The following AQP9 variants were observed in gnomAD, a reference collection of about 807,000 sequenced individuals.
The protein encoded by AQP9 is aquaporin 9.
Under a neutral mutation model 23.8 loss-of-function variants are expected in AQP9, and 19 were observed. The ratio of observed to expected loss-of-function variants is 0.80; its 90% CI spans 0.56 to 1.17. The LOEUF (loss-of-function observed/expected upper bound fraction) is 1.17, where lower values mean the gene tolerates loss of function less well. AQP9 is among the 50% of genes most tolerant of loss of function. The pLI is 0.00. For missense variants in AQP9, 413 were observed against 362.0 expected (o/e 1.14, Z -1.14); for synonymous variants, 153 against 131.5 (o/e 1.16, Z -1.12).
chr15:58,174,809 C>T (rs1040200013), intron 3 of AQP9, 109 bp from the exon 4 acceptor site: 3 of 858,044 alleles, frequency 3.5e-6, no homozygotes, highest in African/African-American at 1.7e-5. Flanking sequence ...AATGACATGG[C>T]TATGCCAAGC....
chr15:58,148,096 C>A (rs370022654), intron 1 of AQP9, among the ~76,000 whole-genome samples: 1 of 152,034 alleles, frequency 6.6e-6, no homozygotes, highest in African/African-American at 2.4e-5. Context: ...TTCTTCACCC[C>A]CTTCCTCCCC....
chr15:58,177,698 C>A (rs1898790225), intron 4 of AQP9, among the ~76,000 whole-genome samples: 1 of 152,066 alleles, frequency 6.6e-6, no homozygotes, highest in Non-Finnish European at 1.5e-5. Flanking sequence ...TACCTCACAG[C>A]ATTACTGTGA....
chr15:58,167,223 G>A (rs1020069363), intron 2 of AQP9, among the ~76,000 whole-genome samples: 5 of 152,214 alleles, frequency 3.3e-5, no homozygotes, highest in Non-Finnish European at 7.3e-5. Context: ...TTGCAAAATG[G>A]ATGGTGCTTT....
Position 58,179,169 on chromosome 15 carries a change from C to T in AQP9, c.537C>T (p.Ile179=), listed in dbSNP as rs2249783. Residue 179 remains isoleucine (I), a synonymous_variant, in exon 5 of 6, where the codon ATC becomes ATT. Transcript: ENST00000219919. ...TMILLIIVFA[I]FDSRNLGAPR... ...TACTCCTCATAATCGTCTTTGCCATCTTTGACTCCAGAAACTTGGGAGCCC... is the reference window on the plus strand; with the variant it reads ...TACTCCTCATAATCGTCTTTGCCATTTTTGACTCCAGAAACTTGGGAGCCC... 1,515,994 of 1,613,760 alleles carry T rather than the reference C, an allele frequency of 0.94. 714,072 individuals are homozygous for T. The highest frequency in any genetic ancestry group is 0.96 in the Non-Finnish European group (1,132,556 of 1,179,738).
intron 1 of AQP9, chr15:58,156,130 G>A (rs1018032427): frequency 2.0e-5 from 3 of 152,036 alleles, no homozygotes; most frequent in Admixed American, 1.3e-4. Context: ...CCCTCTCCAG[G>A]ACAACTCAGG....
intron 4 of AQP9, among the ~76,000 whole-genome samples, chr15:58,176,616 CTTTT>C (rs11296169): frequency 4.4e-5 from 6 of 135,440 alleles, no homozygotes; most frequent in Non-Finnish European, 3.1e-5. Flanking sequence ...TTTCTCTAAG[CTTTT>C]TTTTTTTTTT....
chr15:58,143,924 A>G (rs1004506529), intron 1 of AQP9, among the ~76,000 whole-genome samples: 6 of 152,330 alleles, frequency 3.9e-5, no homozygotes, highest in Admixed American at 3.9e-4. Context: ...ATTGCTCTCC[A>G]AAGTGATTTC....
At chr15:58,167,821 C>T (rs1280526179) in intron 2 of AQP9, among the ~76,000 whole-genome samples, 1 of 152,122 alleles carries the variant, frequency 6.6e-6, no homozygotes, top group Non-Finnish European at 1.5e-5. Flanking sequence ...CTCCTGGGTT[C>T]AAGCGATTCT....
At chr15:58,180,145 A>T (rs569100804) in intron 5 of AQP9, among the ~76,000 whole-genome samples, 1 of 152,188 alleles carries the variant, frequency 6.6e-6, no homozygotes, top group Admixed American at 6.5e-5. Flanking sequence ...GTTTCCCTGC[A>T]TGCAGTCACA....
At chr15:58,180,862 C>T (rs1431266149) in intron 5 of AQP9, among the ~76,000 whole-genome samples, 3 of 152,214 alleles carry the variant, frequency 2.0e-5, no homozygotes, top group Non-Finnish European at 4.4e-5. Context: ...GAAATTCTCT[C>T]CTAGAATGAT....
intron 1 of AQP9, chr15:58,152,119 A>G (rs1272195845): frequency 2.6e-5 from 4 of 152,180 alleles, no homozygotes; most frequent in African/African-American, 7.2e-5. Flanking sequence ...ACTATTCTGC[A>G]TAGCAAATTC....
intron 2 of AQP9, among the ~76,000 whole-genome samples, chr15:58,168,830 A>C (rs1257707296): frequency 1.3e-5 from 2 of 152,128 alleles, no homozygotes; most frequent in Non-Finnish European, 2.9e-5. Flanking sequence ...TCCCCCTATA[A>C]GCTCCCACTG....
chr15:58,149,831 C>G (rs1323182186), intron 1 of AQP9, among the ~76,000 whole-genome samples: 1 of 152,172 alleles, frequency 6.6e-6, no homozygotes, highest in Non-Finnish European at 1.5e-5. Flanking sequence ...CTGGTAAGCC[C>G]TAAATGACTC....
At chr15:58,183,607 A>G (rs904342141) in intron 5 of AQP9, among the ~76,000 whole-genome samples, 2 of 152,152 alleles carry the variant, frequency 1.3e-5, no homozygotes, top group African/African-American at 4.8e-5. Context: ...AATCCACAGG[A>G]ATCATTATTT....
At chr15:58,145,964 C>T (rs1285273356) in intron 1 of AQP9, among the ~76,000 whole-genome samples, 1 of 152,124 alleles carries the variant, frequency 6.6e-6, no homozygotes, top group Non-Finnish European at 1.5e-5. Flanking sequence ...TTTTCCAATG[C>T]CTCTGTTATT....
At chr15:58,148,333 T>G (rs1898086396) in intron 1 of AQP9, among the ~76,000 whole-genome samples, 1 of 152,228 alleles carries the variant, frequency 6.6e-6, no homozygotes, top group Non-Finnish European at 1.5e-5. Context: ...TCTGTAAATC[T>G]CTAAGAGGGG....
At chr15:58,174,383 C>G (rs1167350971) in intron 3 of AQP9, among the ~76,000 whole-genome samples, 1 of 152,014 alleles carries the variant, frequency 6.6e-6, no homozygotes, top group African/African-American at 2.4e-5. Context: ...TCTAAAAGGG[C>G]TAAAATGGAA....
chr15:58,142,917 G>A (rs996694121), intron 1 of AQP9, among the ~76,000 whole-genome samples: 3 of 152,124 alleles, frequency 2.0e-5, no homozygotes, highest in African/African-American at 7.2e-5. Flanking sequence ...TGTCAGCAGT[G>A]CCCTGGATTC....
At chr15:58,144,054 A>T (rs1897996583) in intron 1 of AQP9, among the ~76,000 whole-genome samples, 1 of 152,192 alleles carries the variant, frequency 6.6e-6, no homozygotes, top group African/African-American at 2.4e-5. Context: ...TTTCACTAGT[A>T]ATTGTACTCA....
Sources: allele counts gnomAD v4.1 joint callset (sites outside exome capture counted in the v4.1 genomes callset), GRCh38; gene constraint gnomAD v4.1.1; transcripts MANE v1.5; gene names NCBI Gene and HGNC (gene_info 2026-07-23, HGNC 2026-07-21).